Variants in TBC1D19 observed in about 807,000 individuals in gnomAD.
TBC1D19 encodes the protein TBC1 domain family, member 19.
A neutral mutation model predicts 89.0 loss-of-function variants in TBC1D19; 60 were observed. That is an observed-to-expected ratio of 0.67 (90% CI 0.55 to 0.84). TBC1D19 has a LOEUF of 0.84. TBC1D19 is among the 40% of genes least tolerant of loss of function. TBC1D19 has a pLI of 0.00. For missense variants in TBC1D19, 500 were observed against 610.8 expected, an observed-to-expected ratio of 0.82 and a Z score of 1.91; for synonymous variants, 189 against 199.7, an observed-to-expected ratio of 0.95 and a Z score of 0.45.
intron 19 of TBC1D19, among the ~76,000 whole-genome samples, chr4:26,751,839 G>A (rs1203977349): frequency 6.6e-6 from 1 of 152,190 alleles, no homozygotes; most frequent in East Asian, 1.9e-4. Context: ...CAGGACCACT[G>A]TAGCAGCATC....
intron 7 of TBC1D19, among the ~76,000 whole-genome samples, chr4:26,643,633 C>T (rs1047758269): frequency 2.0e-5 from 3 of 152,034 alleles, no homozygotes; most frequent in African/African-American, 7.2e-5. Context: ...TCAGTGAATC[C>T]AGGAGTTGGT....
chr4:26,636,052 T>G (rs911887470), intron 4 of TBC1D19, among the ~76,000 whole-genome samples: 1 of 152,146 alleles, frequency 6.6e-6, no homozygotes, highest in African/African-American at 2.4e-5. Flanking sequence ...TGTATTAACA[T>G]CTTTAATCTT....
the TBC1D19 span, among the ~76,000 whole-genome samples, chr4:26,774,052 C>T: frequency 1.3e-5 from 2 of 152,100 alleles, no homozygotes; most frequent in Non-Finnish European, 2.9e-5. Flanking sequence ...TACTTTTTTT[C>T]TCCTACCCCT....
At chr4:26,673,655 G>T in intron 10 of TBC1D19, 121 bp from the exon 11 acceptor site, 3 of 704,916 alleles carry the variant, frequency 4.3e-6, no homozygotes, top group Non-Finnish European at 7.5e-6. Context: ...TAAAGATACG[G>T]TGTAATTATG....
the TBC1D19 span, among the ~76,000 whole-genome samples, chr4:26,851,311 A>ATCTATCTATCTATCTG: frequency 6.8e-3 from 779 of 114,892 alleles, 12 homozygotes; most frequent in Admixed American, 0.03. Context: ...TACCCTATCT[A>ATCTATCTATCTATCTG]TCTATCTATC....
intron 13 of TBC1D19, among the ~76,000 whole-genome samples, chr4:26,696,858 A>C (rs1714834393): frequency 6.6e-6 from 1 of 152,240 alleles, no homozygotes. Context: ...CATTTAAAGC[A>C]GTGTGTAGAG....
At chr4:26,612,377 G>A (rs757123139) in intron 1 of TBC1D19, among the ~76,000 whole-genome samples, 2 of 151,798 alleles carry the variant, frequency 1.3e-5, no homozygotes, top group African/African-American at 4.8e-5. Context: ...CTGGTAAATG[G>A]TAATTTTATT....
chr4:26,576,875 A>C, intron 1 of TBC1D19: 2 of 455,904 alleles, frequency 4.4e-6, no homozygotes, highest in Non-Finnish European at 8.8e-6. Context: ...GGGATGGTTA[A>C]AATTGTGTGT....
At chr4:26,638,671 A>C (rs544628308) in intron 5 of TBC1D19, 100 bp from the exon 6 acceptor site, 6 of 884,670 alleles carry the variant, frequency 6.8e-6, no homozygotes, top group African/African-American at 1.7e-5. Context: ...TGTTATGGTC[A>C]TTTATTTAGC....
intron 4 of TBC1D19, among the ~76,000 whole-genome samples, chr4:26,622,673 C>T (rs768521126): frequency 1.3e-5 from 2 of 152,118 alleles, no homozygotes; most frequent in African/African-American, 4.8e-5. Context: ...TAAGGATAAT[C>T]TTGTGACACA....
At chr4:26,815,677 C>T in the TBC1D19 span, among the ~76,000 whole-genome samples, 1 of 152,210 alleles carries the variant, frequency 6.6e-6, no homozygotes, top group African/African-American at 2.4e-5. Context: ...GCCATTCTGA[C>T]AGGACTCGTC....
Position 26,584,090 on chromosome 4 carries a change from A to G in TBC1D19, c.-104A>G, listed in dbSNP as rs867765714. 1.7e-6 allele frequency: 2 copies of G among 1,157,732 alleles called. No homozygotes were observed. Among genetic ancestry groups the G allele is most frequent in the Middle Eastern group, 2.5e-4 (1 of 4,066 alleles). The allele number at this position is 1,157,732 out of a possible 1,614,324, so 71.7% of individuals were successfully genotyped here. A position where few individuals can be genotyped will look rare whatever the true frequency, so the allele number is the denominator to read the frequency against. ...CGCCCGCTGGAGGAGTCCCAGTGTA[A>G]TAAGGTCCCGGAGAAGTGTCACTGG... On this transcript the variant is annotated 5_prime_UTR_variant, in exon 1 of 21. Transcript: ENST00000264866.
At chr4:26,593,995 T>TAC (rs1472033334) in intron 1 of TBC1D19, among the ~76,000 whole-genome samples, 3 of 152,268 alleles carry the variant, frequency 2.0e-5, no homozygotes, top group African/African-American at 4.8e-5. Context: ...ACTGGGTATA[T>TAC]ACCCAAAGGA....
At chr4:26,582,005 G>A (rs760416944), upstream of TBC1D19, among the ~76,000 whole-genome samples, 1 of 150,874 alleles carries the variant, frequency 6.6e-6, no homozygotes. Context: ...CATGCTTTCC[G>A]AATTAGAGCC....
the TBC1D19 span, among the ~76,000 whole-genome samples, chr4:26,834,936 C>A: frequency 1.3e-5 from 2 of 152,184 alleles, no homozygotes; most frequent in African/African-American, 2.4e-5. Flanking sequence ...GCCATATTCA[C>A]AAAGCTCTAT....
intron 1 of TBC1D19, among the ~76,000 whole-genome samples, chr4:26,609,904 C>G (rs1741253491): frequency 6.6e-6 from 1 of 151,976 alleles, no homozygotes; most frequent in African/African-American, 2.4e-5. Context: ...AATGTCTGCT[C>G]TAATGGAGCT....
At chr4:26,804,398 G>A in the TBC1D19 span, among the ~76,000 whole-genome samples, 7 of 152,266 alleles carry the variant, frequency 4.6e-5, no homozygotes, top group Admixed American at 1.3e-4. Context: ...CACTGGCTTC[G>A]GCCTCCCAAA....
intron 1 of TBC1D19, among the ~76,000 whole-genome samples, chr4:26,598,993 T>A (rs260951): frequency 0.86 from 130,395 of 151,990 alleles, 59,287 homozygotes; most frequent in Non-Finnish European, 1. Flanking sequence ...AGCAGGAGTC[T>A]GGCGATGATT....
intron 11 of TBC1D19, among the ~76,000 whole-genome samples, chr4:26,682,312 A>G (rs1422349915): frequency 1.3e-5 from 2 of 152,248 alleles, no homozygotes; most frequent in South Asian, 2.1e-4. Context: ...GAAAACATCA[A>G]TAAGGACCAA....
Sources: gnomAD v4.1 joint callset for allele counts (sites outside exome capture counted in the v4.1 genomes callset) on GRCh38, gnomAD v4.1.1 for gene constraint, MANE v1.5 for transcripts, NCBI Gene and HGNC (gene_info 2026-07-23, HGNC 2026-07-21) for gene names.